Variants in DYSF observed in about 807,000 individuals in gnomAD.
DYSF encodes the protein dystrophy-associated fer-1-like 1.
A neutral mutation model predicts 274.9 loss-of-function variants in DYSF; 212 were observed. The ratio of observed to expected loss-of-function variants is 0.77; its 90% CI spans 0.69 to 0.86. The LOEUF is 0.86. DYSF is among the 40% of genes least tolerant of loss of function. The pLI is 0.00. For missense variants in DYSF, 2,666 were observed against 2,783.2 expected, an observed-to-expected ratio of 0.96 and a Z score of 0.95; for synonymous variants, 1,091 against 1,078.7, an observed-to-expected ratio of 1.01 and a Z score of -0.22.
intron 36 of DYSF, among the ~76,000 whole-genome samples, chr2:71,605,066 G>C (rs1174618905): frequency 6.6e-6 from 1 of 152,196 alleles, no homozygotes; most frequent in Non-Finnish European, 1.5e-5. Context: ...ATGTCCGGGA[G>C]ATCTGGGTCC....
At chr2:71,585,124 C>T (rs1278073979) in intron 30 of DYSF, among the ~76,000 whole-genome samples, 1 of 152,198 alleles carries the variant, frequency 6.6e-6, no homozygotes, top group African/African-American at 2.4e-5. Context: ...TTCTAGTGAT[C>T]GTAACTCAGT....
chr2:71,658,833 C>G, intron 43 of DYSF, 45 bp from the exon 44 acceptor site: 1 of 1,612,900 alleles, frequency 6.2e-7, no homozygotes, highest in Non-Finnish European at 8.5e-7. Context: ...CAAACCATAT[C>G]AACAATGATG....
intron 27 of DYSF, 88 bp from the exon 28 acceptor site, chr2:71,570,141 C>T (rs1027384929): frequency 1.4e-5 from 18 of 1,252,120 alleles, no homozygotes; most frequent in South Asian, 1.3e-4. Flanking sequence ...ACTTGGAGGA[C>T]GTATGTTGTC....
intron 1 of DYSF, among the ~76,000 whole-genome samples, chr2:71,454,468 C>T (rs777985560): frequency 1.3e-5 from 2 of 152,172 alleles, no homozygotes; most frequent in African/African-American, 2.4e-5. Flanking sequence ...TGGTCCCAGG[C>T]CTATTTATAA....
intron 26 of DYSF, among the ~76,000 whole-genome samples, chr2:71,569,038 A>G (rs1226969019): frequency 6.6e-6 from 1 of 151,726 alleles, no homozygotes; most frequent in Non-Finnish European, 1.5e-5. Context: ...ACGCCCAGCT[A>G]ATTTTATTTT....
chr2:71,575,410 C>T (rs6708393), intron 30 of DYSF, among the ~76,000 whole-genome samples: 96,791 of 151,964 alleles, frequency 0.64, 31,716 homozygotes, highest in East Asian at 0.85. Context: ...CCCTCCCTTG[C>T]CCTGGGGCCA....
Position 71,656,275 on chromosome 2 carries a change from G to A in DYSF, c.4740G>A (p.Val1580=). The part of the protein sequence containing the change: ...KTQEETEDPS[V]IGEFKGLFKI... ...AGGAGGAGACAGAAGATCCATCTGT[G>A]ATTGGTGAATTTAAGGTAAATCCTC... The change falls in exon 43 of 56, where the codon GTG becomes GTA. Residue 1580 remains valine, a synonymous_variant. Transcript: ENST00000410020. The A allele has an allele frequency of 6.2e-7, 1 of 1,614,188 alleles. No homozygotes were observed. Among genetic ancestry groups the A allele is most frequent in the Non-Finnish European group, 8.5e-7 (1 of 1,180,032 alleles).
At chr2:71,516,623 C>T (rs1318574225) in intron 9 of DYSF, among the ~76,000 whole-genome samples, 1 of 152,198 alleles carries the variant, frequency 6.6e-6, no homozygotes, top group African/African-American at 2.4e-5. Context: ...CACGTGCCTG[C>T]TTCTGACTGA....
chr2:71,635,549 A>T (rs2094386146), intron 41 of DYSF, among the ~76,000 whole-genome samples: 1 of 152,118 alleles, frequency 6.6e-6, no homozygotes, highest in Admixed American at 6.5e-5. Flanking sequence ...GGAGTTTGAA[A>T]CCAGCCTGGC....
At chr2:71,613,739 C>T (rs993293789) in intron 40 of DYSF, among the ~76,000 whole-genome samples, 11 of 151,974 alleles carry the variant, frequency 7.2e-5, no homozygotes, top group African/African-American at 1.5e-4. Flanking sequence ...GAGAGAAGGA[C>T]GACAGGGGAG....
intron 43 of DYSF, among the ~76,000 whole-genome samples, chr2:71,656,869 C>A (rs768017137): frequency 3.3e-5 from 5 of 152,182 alleles, no homozygotes; most frequent in Non-Finnish European, 5.9e-5. Flanking sequence ...CTGGGAGATA[C>A]AATTGGAGTT....
At position 71,481,898 on chromosome 2, in the gene DYSF, A is replaced by G; in HGVS notation, c.167A>G (p.Lys56Arg). 6.2e-7 allele frequency: 1 copy of G among 1,614,114 alleles called. No individual in the cohort carries two copies. Among genetic ancestry groups the G allele is most frequent in the East Asian group, 2.2e-5 (1 of 44,874 alleles). Residue 56 changes from lysine to arginine, a missense_variant, in exon 3 of 56, where the codon AAG (lysine) becomes AGG (arginine). Lys to Arg is a conservative substitution (Grantham distance 26). Coordinates refer to ENST00000410020, the MANE Select transcript of DYSF (RefSeq NM_001130987.2). ...TTCCAGGGATTTGAATGGGACCTCA[A>G]GGGCATCCCCCTGGACCAGGGCTCT... ...VWNEGFEWDL[K>R]GIPLDQGSEL... is the part of the protein sequence containing the mutation.
chr2:71,524,886 G>C (rs1326837879), intron 12 of DYSF, among the ~76,000 whole-genome samples: 1 of 152,208 alleles, frequency 6.6e-6, no homozygotes, highest in Non-Finnish European at 1.5e-5. Flanking sequence ...TCCAGCCTGT[G>C]TTACACCTCA....
intron 17 of DYSF, among the ~76,000 whole-genome samples, chr2:71,543,855 AGAGAGGGAGAGGGAGACCGTGGGGAGAGG>A (rs1490092381): frequency 1.3e-4 from 19 of 145,574 alleles, no homozygotes; most frequent in East Asian, 4.1e-4. Context: ...GACCGTGGAA[AGAGAGGGAGAGGGAGACCGTGGGGAGAGG>A]GAGAGGGAGA....
rs532782059 is a variant in DYSF, at chr2:71,560,381, C to G, written c.2217-1371C>G. On this transcript the variant is annotated intron_variant, in intron 22 of 55. Transcript: ENST00000410020. ...ATCCCTCTCCAGACCCGCTTGCCCC[C>G]GCTCTCAGGCCCACTCAGGCCTGGT... 1.7e-3 allele frequency among the ~76,000 whole-genome samples: 243 copies of G among 146,098 alleles called. 2 individuals are homozygous for G. The highest frequency in any genetic ancestry group is 6.2e-3 in the African/African-American group (233 of 37,402).
intron 26 of DYSF, among the ~76,000 whole-genome samples, chr2:71,568,852 C>T (rs999327553): frequency 2.0e-5 from 3 of 151,592 alleles, no homozygotes; most frequent in Admixed American, 2.0e-4. Context: ...TGAGTCACCA[C>T]GCCTGGCCAG....
upstream of DYSF, among the ~76,000 whole-genome samples, chr2:71,464,792 A>C (rs191855681): frequency 8.6e-4 from 131 of 152,318 alleles, no homozygotes; most frequent in African/African-American, 1.9e-3. Context: ...CCATGGGGAC[A>C]AGGGCAGAGC....
At chr2:71,579,187 G>A (rs866288914) in intron 30 of DYSF, among the ~76,000 whole-genome samples, 1 of 152,114 alleles carries the variant, frequency 6.6e-6, no homozygotes, top group African/African-American at 2.4e-5. Flanking sequence ...CTCTGGTGAC[G>A]GCTGCCGGGA....
intron 1 of DYSF, among the ~76,000 whole-genome samples, chr2:71,474,775 A>G (rs2082277454): frequency 6.6e-6 from 1 of 152,202 alleles, no homozygotes; most frequent in African/African-American, 2.4e-5. Context: ...GGAAGTGGAA[A>G]ATGATTAAAA....
Sources: allele counts gnomAD v4.1 joint callset (sites outside exome capture counted in the v4.1 genomes callset), GRCh38; gene constraint gnomAD v4.1.1; transcripts MANE v1.5; gene names NCBI Gene and HGNC (gene_info 2026-07-23, HGNC 2026-07-21).